The following NXPH1 variants were observed in gnomAD, a reference collection of about 807,000 sequenced individuals.
The protein encoded by NXPH1 is neurexophilin-1.
A neutral mutation model predicts 23.7 loss-of-function variants in NXPH1; 5 were observed. The observed-to-expected ratio is 0.21, with a 90% CI of 0.11 to 0.44. The LOEUF is 0.44. Among genes scored for constraint, NXPH1 ranks in the 20% least tolerant of loss-of-function variants. The pLI is 0.99. For synonymous variants in NXPH1, 144 were observed against 122.2 expected, an observed-to-expected ratio of 1.18 and a Z score of -1.18; for missense variants, 324 against 321.6, an observed-to-expected ratio of 1.01 and a Z score of -0.06.
chr7:8,739,171 TAAAAAAAAAAAAAAAAAA>T (rs34593997), intron 2 of NXPH1, among the ~76,000 whole-genome samples: 29 of 54,052 alleles, frequency 5.4e-4, no homozygotes, highest in Admixed American at 1.2e-3. Context: ...ACCAGTGGGG[TAAAAAAAAAAAAAAAAAA>T]AAAAAAAAAA....
chr7:8,696,419 T>A (rs1779509695), intron 2 of NXPH1, among the ~76,000 whole-genome samples: 1 of 152,162 alleles, frequency 6.6e-6, no homozygotes, highest in Non-Finnish European at 1.5e-5. Context: ...AATAACTAAG[T>A]AAGCCAGAAA....
intron 2 of NXPH1, among the ~76,000 whole-genome samples, chr7:8,526,901 TGTC>T (rs1396368822): frequency 6.6e-6 from 1 of 152,158 alleles, no homozygotes; most frequent in Non-Finnish European, 1.5e-5. Context: ...GTAAATATAT[TGTC>T]GTGCATAAAC....
intron 2 of NXPH1, among the ~76,000 whole-genome samples, chr7:8,526,834 C>A (rs757493008): frequency 6.6e-6 from 1 of 152,150 alleles, no homozygotes; most frequent in Non-Finnish European, 1.5e-5. Context: ...TTGGCTATTT[C>A]TTTATCAGCA....
intron 2 of NXPH1, among the ~76,000 whole-genome samples, chr7:8,703,308 G>A (rs143336439): frequency 7.2e-4 from 109 of 152,112 alleles, no homozygotes; most frequent in African/African-American, 2.3e-3. Context: ...CAATTATTAC[G>A]TCTGTGCTAC....
Position 8,636,182 on chromosome 7 carries a change from C to G in NXPH1, c.55-114826C>G, listed in dbSNP as rs140974052. Among the ~76,000 whole-genome samples, 6 of 152,306 alleles carry G rather than the reference C, an allele frequency of 3.9e-5. No homozygotes were observed. In the East Asian group the frequency reaches 1.2e-3, roughly 29 times the overall value. ...TGCTTACATACTCAGGAGACTCTTT[C>G]ACTCAATAGCCAAACTCCAGCAACA... On this transcript the variant is annotated intron_variant, in intron 2 of 2. Transcript: ENST00000405863.
chr7:8,594,878 A>G (rs1476234601), intron 2 of NXPH1, among the ~76,000 whole-genome samples: 1 of 152,020 alleles, frequency 6.6e-6, no homozygotes, highest in Non-Finnish European at 1.5e-5. Context: ...TTCATGGGGA[A>G]TAAACTTCCT....
chr7:8,654,020 G>C (rs114864526), intron 2 of NXPH1, among the ~76,000 whole-genome samples: 1 of 152,112 alleles, frequency 6.6e-6, no homozygotes, highest in Non-Finnish European at 1.5e-5. Flanking sequence ...TTTCATTGTA[G>C]TTTTGCCTTT....
chr7:8,628,276 T>A (rs1310048078), intron 2 of NXPH1, among the ~76,000 whole-genome samples: 2 of 151,842 alleles, frequency 1.3e-5, no homozygotes, highest in African/African-American at 4.8e-5. Context: ...AGTTTGATGT[T>A]ATCTATCTTC....
At position 8,531,500 on chromosome 7, in the gene NXPH1, A is replaced by C. The variant is rs538491373; in HGVS notation, c.54+95733A>C. Among the ~76,000 whole-genome samples, 7 of 152,288 alleles carry C rather than the reference A, an allele frequency of 4.6e-5. 1 individual carries two copies. Among genetic ancestry groups the C allele is most frequent in the Admixed American group, 4.6e-4 (7 of 15,286 alleles). On this transcript the variant is annotated intron_variant, in intron 2 of 2. Transcript: ENST00000405863. ...TCTTCTGTGAGCACCCTATGTAACT[A>C]GAACTCCCTTCAGTTACTGTACTCT...
chr7:8,491,892 G>A (rs924070112), intron 2 of NXPH1, among the ~76,000 whole-genome samples: 62 of 151,840 alleles, frequency 4.1e-4, no homozygotes, highest in South Asian at 2.1e-4. Context: ...TCTTTTCGTC[G>A]CCTTTTAGTT....
rs777204173 is a variant in NXPH1 at position 8,559,250 on chromosome 7, G to A, written c.54+123483G>A. Among the ~76,000 whole-genome samples the A allele has an allele frequency of 7.9e-5, 12 of 151,764 alleles. No homozygotes were observed. The East Asian group carries it at 1.2e-3, about 15-fold the overall frequency. On this transcript the variant is annotated intron_variant, in intron 2 of 2. Coordinates refer to ENST00000405863, the MANE Select transcript of NXPH1 (RefSeq NM_152745.3). ...TAAGATTATAGGCATGAGCCGCCAC[G>A]CCCTGGTGGAATCTAATTTTAGAAC...
intron 2 of NXPH1, among the ~76,000 whole-genome samples, chr7:8,601,036 G>T (rs955324684): frequency 2.6e-5 from 4 of 151,854 alleles, no homozygotes; most frequent in Non-Finnish European, 5.9e-5. Flanking sequence ...GTATATGGAA[G>T]GATATGCATA....
At chr7:8,610,177 C>T (rs1201646071) in intron 2 of NXPH1, among the ~76,000 whole-genome samples, 1 of 151,904 alleles carries the variant, frequency 6.6e-6, no homozygotes, top group Non-Finnish European at 1.5e-5. Flanking sequence ...GATATGATTC[C>T]AATTAAGGGA....
chr7:8,482,772 G>C (rs1214210583), intron 2 of NXPH1, among the ~76,000 whole-genome samples: 1 of 152,170 alleles, frequency 6.6e-6, no homozygotes, highest in Non-Finnish European at 1.5e-5. Context: ...TTTGGTAGGA[G>C]TGACAGTGGA....
chr7:8,509,459 C>G (rs949460761), intron 2 of NXPH1, among the ~76,000 whole-genome samples: 3 of 152,078 alleles, frequency 2.0e-5, no homozygotes, highest in African/African-American at 7.2e-5. Context: ...CTCTTTATTT[C>G]TTTCTTCTTT....
At chr7:8,614,659 C>G (rs1819696568) in intron 2 of NXPH1, among the ~76,000 whole-genome samples, 1 of 151,826 alleles carries the variant, frequency 6.6e-6, no homozygotes, top group Non-Finnish European at 1.5e-5. Context: ...AGGAAAGTTC[C>G]TCTTTGGGAA....
intron 2 of NXPH1, among the ~76,000 whole-genome samples, chr7:8,598,408 C>A (rs10265636): frequency 0.096 from 14,552 of 152,120 alleles, 1,034 homozygotes; most frequent in East Asian, 0.19. Flanking sequence ...TATTGGGGCA[C>A]ATAGACCTGG....
chr7:8,695,261 C>T (rs1821289656), intron 2 of NXPH1, among the ~76,000 whole-genome samples: 1 of 152,126 alleles, frequency 6.6e-6, no homozygotes, highest in African/African-American at 2.4e-5. Context: ...TAATCCTCCC[C>T]ACCTTCTTAA....
At chr7:8,439,786 A>C (rs1465723393) in intron 2 of NXPH1, among the ~76,000 whole-genome samples, 2 of 152,202 alleles carry the variant, frequency 1.3e-5, no homozygotes, top group Non-Finnish European at 2.9e-5. Context: ...CATTTGGGTG[A>C]AATCCACTCA....
Sources: allele counts gnomAD v4.1 joint callset (sites outside exome capture counted in the v4.1 genomes callset), GRCh38; gene constraint gnomAD v4.1.1; transcripts MANE v1.5; gene names NCBI Gene and HGNC (gene_info 2026-07-23, HGNC 2026-07-21).